The following WARS2 variants were observed in gnomAD, a reference collection of about 807,000 sequenced individuals.
The protein encoded by WARS2 is tryptophan--tRNA ligase, mitochondrial.
In WARS2, 28 loss-of-function variants were observed where a neutral mutation model predicts 36.5. That is an observed-to-expected ratio of 0.77 (90% CI 0.57 to 1.05). WARS2 has a LOEUF of 1.05. Among genes scored for constraint, WARS2 ranks in the 50% least tolerant of loss-of-function variants. WARS2 has a pLI of 0.00. For synonymous variants in WARS2, 174 were observed against 178.4 expected (o/e 0.98, Z 0.20); for missense variants, 435 against 456.8 (o/e 0.95, Z 0.44).
intron 1 of WARS2, among the ~76,000 whole-genome samples, chr1:119,101,218 C>T (rs1653837416): frequency 6.6e-6 from 1 of 152,032 alleles, no homozygotes; most frequent in Admixed American, 6.6e-5. Context: ...AGTACCCTTA[C>T]TTGATCACTA....
intron 4 of WARS2, among the ~76,000 whole-genome samples, chr1:119,037,522 T>G (rs1262151809): frequency 1.3e-5 from 2 of 152,232 alleles, no homozygotes; most frequent in African/African-American, 4.8e-5. Context: ...TAATTCCTCA[T>G]GACTAGTTGC....
At chr1:119,035,070 T>TA (rs1244643286) in intron 4 of WARS2, among the ~76,000 whole-genome samples, 3 of 152,198 alleles carry the variant, frequency 2.0e-5, no homozygotes, top group Non-Finnish European at 4.4e-5. Context: ...AAACCAAAAA[T>TA]ATCAGAATAT....
At chr1:119,125,111 A>G (rs1027112043) in intron 1 of WARS2, among the ~76,000 whole-genome samples, 2 of 152,230 alleles carry the variant, frequency 1.3e-5, no homozygotes, top group Non-Finnish European at 2.9e-5. Context: ...TTTGTTACAG[A>G]AAATGCTCAC....
At chr1:119,135,170 A>T (rs904829804) in intron 1 of WARS2, among the ~76,000 whole-genome samples, 2 of 152,226 alleles carry the variant, frequency 1.3e-5, no homozygotes, top group African/African-American at 4.8e-5. Context: ...GCTCCTTAAA[A>T]ATAATCCATC....
intron 4 of WARS2, among the ~76,000 whole-genome samples, chr1:119,038,177 T>G (rs557366429): frequency 6.6e-6 from 1 of 152,254 alleles, no homozygotes; most frequent in African/African-American, 2.4e-5. Flanking sequence ...AGGGTTCTGG[T>G]TTGGTGTAGG....
At chr1:119,089,818 C>A (rs1213361385) in intron 1 of WARS2, among the ~76,000 whole-genome samples, 3 of 152,150 alleles carry the variant, frequency 2.0e-5, no homozygotes, top group African/African-American at 4.8e-5. Context: ...AGATCATATC[C>A]TTTGCAGGGA....
intron 1 of WARS2, among the ~76,000 whole-genome samples, chr1:119,129,362 T>C (rs587681187): frequency 1.3e-5 from 2 of 152,306 alleles, no homozygotes; most frequent in African/African-American, 4.8e-5. Flanking sequence ...TATATTGTTA[T>C]AGCAGCTTGA....
At position 119,032,871 on chromosome 1, in the gene WARS2, T is replaced by C. The variant is rs201923721; in HGVS notation, c.*40A>G. ...GCTGCCGTTATCAGAATGCATGGAG[T>C]GCAAGGCACAAAAGCCTTGCTGTGA... On this transcript the variant is annotated 3_prime_UTR_variant, in exon 6 of 6. Coordinates refer to ENST00000235521, the MANE Select transcript of WARS2 (RefSeq NM_015836.4). The C allele has an allele frequency of 5.2e-6, 8 of 1,551,378 alleles. No homozygotes were observed. The East Asian group carries it at 1.8e-4, about 35-fold the overall frequency.
At chr1:119,110,561 A>G (rs1654555207) in intron 1 of WARS2, among the ~76,000 whole-genome samples, 3 of 151,192 alleles carry the variant, frequency 2.0e-5, no homozygotes, top group Admixed American at 2.0e-4. Context: ...TTTTTTTTTA[A>G]TATTTGATTT....
At chr1:119,088,293 G>A (rs912602086) in intron 1 of WARS2, among the ~76,000 whole-genome samples, 1 of 152,138 alleles carries the variant, frequency 6.6e-6, no homozygotes, top group Non-Finnish European at 1.5e-5. Flanking sequence ...GATTTAATCA[G>A]TCTGGGATTT....
At chr1:119,052,540 C>T (rs1239175824) in intron 2 of WARS2, among the ~76,000 whole-genome samples, 2 of 152,218 alleles carry the variant, frequency 1.3e-5, no homozygotes, top group African/African-American at 4.8e-5. Flanking sequence ...TGCCAATAAA[C>T]ATCTGTCTGT....
intron 4 of WARS2, among the ~76,000 whole-genome samples, chr1:119,037,121 T>C (rs1571253832): frequency 6.6e-6 from 1 of 152,338 alleles, no homozygotes. Context: ...TCCCTTTTAA[T>C]GTGTCTTCTC....
chr1:119,069,331 CA>C (rs1451248844), intron 2 of WARS2, among the ~76,000 whole-genome samples: 2 of 151,986 alleles, frequency 1.3e-5, no homozygotes, highest in Non-Finnish European at 2.9e-5. Flanking sequence ...AATTGGCTCC[CA>C]AAACATTAAA....
chr1:119,035,036 A>G (rs2101099742), intron 4 of WARS2, among the ~76,000 whole-genome samples: 1 of 152,356 alleles, frequency 6.6e-6, no homozygotes, highest in Non-Finnish European at 1.5e-5. Context: ...GTAATATTTC[A>G]TATTATGAAG....
At chr1:119,117,151 C>A (rs1655024895) in intron 1 of WARS2, among the ~76,000 whole-genome samples, 1 of 152,118 alleles carries the variant, frequency 6.6e-6, no homozygotes, top group African/African-American at 2.4e-5. Context: ...CATGTCACTG[C>A]CAGCTTTCCC....
intron 2 of WARS2, chr1:119,063,880 A>G (rs1455475858): frequency 1.3e-5 from 2 of 152,190 alleles, no homozygotes; most frequent in African/African-American, 4.8e-5. Flanking sequence ...GGTAGTGTGG[A>G]AAGGAAATGT....
chr1:119,114,090 A>C (rs1272586590), intron 1 of WARS2, among the ~76,000 whole-genome samples: 1 of 152,170 alleles, frequency 6.6e-6, no homozygotes, highest in Admixed American at 6.5e-5. Context: ...TATTATTTGT[A>C]TTTTACAGAT....
intron 2 of WARS2, among the ~76,000 whole-genome samples, chr1:119,046,388 G>A (rs1022323192): frequency 7.3e-5 from 10 of 137,856 alleles, no homozygotes; most frequent in South Asian, 4.8e-4. Context: ...TCACTCTGTC[G>A]CCCAGGCTGC....
Position 119,076,731 on chromosome 1 carries a change from A to G in WARS2, c.91-124T>C, listed in dbSNP as rs76413683. 2,110 of 1,402,142 alleles carry G rather than the reference A, an allele frequency of 1.5e-3. 26 individuals are homozygous for G. In the African/African-American group the frequency reaches 0.027, roughly 18 times the overall value. The allele number at this position is 1,402,142 out of a possible 1,614,324, so 86.9% of individuals were successfully genotyped here. The stretch of plus-strand genomic sequence containing the variant: ...AAACTACAATCTGACAGTCATCATC[A>G]TCCATTTATTTTGTGCCTACACTGT... On this transcript the variant is annotated intron_variant, in intron 1 of 5. Coordinates refer to ENST00000235521, the MANE Select transcript of WARS2 (RefSeq NM_015836.4).
Sources: gnomAD v4.1 joint callset for allele counts (sites outside exome capture counted in the v4.1 genomes callset) on GRCh38, gnomAD v4.1.1 for gene constraint, MANE v1.5 for transcripts, NCBI Gene and HGNC (gene_info 2026-07-23, HGNC 2026-07-21) for gene names.